Variants in TARBP1 observed in about 807,000 individuals in gnomAD.
TARBP1 encodes the protein tRNA (guanosine(18)-2'-O)-methyltransferase TARBP1.
TARBP1 carries 144 observed loss-of-function variants against 178.6 expected under a neutral mutation model. The observed-to-expected ratio is 0.81, with a 90% CI of 0.70 to 0.93. TARBP1 has a LOEUF of 0.93. Ranked by LOEUF, TARBP1 falls within the 40% of genes least tolerant of loss-of-function variation. TARBP1 has a pLI of 0.00. For missense variants in TARBP1, 2,067 were observed against 2,011.7 expected, an observed-to-expected ratio of 1.03 and a Z score of -0.53; for synonymous variants, 787 against 781.0, an observed-to-expected ratio of 1.01 and a Z score of -0.13.
At chr1:234,455,714 A>G (rs1314712498) in intron 9 of TARBP1, among the ~76,000 whole-genome samples, 1 of 152,210 alleles carries the variant, frequency 6.6e-6, no homozygotes, top group Non-Finnish European at 1.5e-5. Flanking sequence ...TCTTCAAATC[A>G]CGTAAATTCA....
chr1:234,397,950 C>T (rs558429583), intron 26 of TARBP1, among the ~76,000 whole-genome samples: 1 of 139,404 alleles, frequency 7.2e-6, no homozygotes, highest in Non-Finnish European at 1.6e-5. Context: ...CATGAAGCGG[C>T]GTCCAACCAA....
At position 234,444,588 on chromosome 1, in the gene TARBP1, A is replaced by G. The variant is rs1341205148; in HGVS notation, c.2134+2215T>C. 3.3e-5 allele frequency among the ~76,000 whole-genome samples: 5 copies of G among 152,212 alleles called. No homozygotes were observed. The East Asian group carries it at 9.7e-4, about 29-fold the overall frequency. Reference sequence around the variant, plus strand: ...TCAGCAAGCCCAGCAATCCTACAGCACTGCCTCAGAGCACTCACAAAGCCT... The same window carrying G: ...TCAGCAAGCCCAGCAATCCTACAGCGCTGCCTCAGAGCACTCACAAAGCCT... On this transcript the variant is annotated intron_variant, in intron 12 of 29. Transcript: ENST00000040877.
In TARBP1 at chr1:234,410,437, A is replaced by T. The variant is rs1661685130; in HGVS notation, c.3792+8T>A. On this transcript the variant is annotated splice_region_variant and intron_variant, in intron 23 of 29. Coordinates refer to ENST00000040877, the MANE Select transcript of TARBP1 (RefSeq NM_005646.4). ...CAGTCAAGTTTAAATTCTTACAAACAAACTTACCTTTTCTGGAATATTTTG... is the reference window on the plus strand; with the variant it reads ...CAGTCAAGTTTAAATTCTTACAAACTAACTTACCTTTTCTGGAATATTTTG... The T allele has an allele frequency of 7.0e-7, 1 of 1,437,286 alleles. No individual in the cohort carries two copies. 89.0% of individuals were successfully genotyped at this position (1,437,286 alleles called of 1,614,324 possible).
intron 13 of TARBP1, 123 bp from the exon 14 acceptor site, chr1:234,433,694 G>C: frequency 1.1e-6 from 1 of 937,848 alleles, no homozygotes; most frequent in Non-Finnish European, 1.6e-6. Context: ...GAGAAAATAA[G>C]TTCTTTTCTC....
intron 1 of TARBP1, among the ~76,000 whole-genome samples, chr1:234,475,866 A>G (rs1669524898): frequency 6.6e-6 from 1 of 152,252 alleles, no homozygotes; most frequent in South Asian, 2.1e-4. Flanking sequence ...AGTAGCCACA[A>G]AATCTGGGAA....
At chr1:234,402,819 C>T (rs140307592) in intron 24 of TARBP1, among the ~76,000 whole-genome samples, 158 of 152,200 alleles carry the variant, frequency 1.0e-3, no homozygotes, top group African/African-American at 3.5e-3. Context: ...CTCCTGGGCT[C>T]AAGCAATCCA....
intron 3 of TARBP1, among the ~76,000 whole-genome samples, chr1:234,469,195 T>C (rs983654727): frequency 8.6e-5 from 13 of 150,312 alleles, no homozygotes; most frequent in Non-Finnish European, 1.9e-4. Flanking sequence ...ATCAAAACCA[T>C]GGAATAAATA....
intron 6 of TARBP1, among the ~76,000 whole-genome samples, chr1:234,463,403 C>T (rs549321330): frequency 2.8e-4 from 42 of 152,176 alleles, no homozygotes; most frequent in Non-Finnish European, 4.7e-4. Flanking sequence ...GGATTCCAGG[C>T]GGGAGCCATT....
intron 14 of TARBP1, among the ~76,000 whole-genome samples, chr1:234,431,835 G>A (rs10797549): frequency 0.13 from 20,420 of 152,186 alleles, 1,511 homozygotes; most frequent in Middle Eastern, 0.26. Context: ...GCCTTATTGT[G>A]CCATGTTTAA....
At chr1:234,429,799 C>A in intron 15 of TARBP1, 122 bp from the exon 16 acceptor site, 1 of 1,128,056 alleles carries the variant, frequency 8.9e-7, no homozygotes, top group Non-Finnish European at 1.2e-6. Context: ...TATAAATGGT[C>A]ATTATCAAAC....
chr1:234,395,714 G>A lies in TARBP1; in HGVS notation c.4244-1877C>T, dbSNP rs531418059. ...GTTACACAGGCGGTGGTTTCAAGTT[G>A]GGGACATTAATAAATGTGTTCTGGG... On this transcript the variant is annotated intron_variant, in intron 26 of 29. Coordinates refer to ENST00000040877, the MANE Select transcript of TARBP1 (RefSeq NM_005646.4). Among the ~76,000 whole-genome samples, 5 of 152,250 alleles carry A rather than the reference G, an allele frequency of 3.3e-5. No homozygotes were observed. In the East Asian group the frequency reaches 9.6e-4, roughly 29 times the overall value.
intron 6 of TARBP1, among the ~76,000 whole-genome samples, chr1:234,462,596 G>A (rs1304770847): frequency 6.6e-6 from 1 of 150,808 alleles, no homozygotes; most frequent in African/African-American, 2.4e-5. Flanking sequence ...GGCTGAGGCA[G>A]GAGAATCACT....
At chr1:234,398,226 C>A in intron 26 of TARBP1, 156 bp downstream of exon 26, 1 of 500,364 alleles carries the variant, frequency 2.0e-6, no homozygotes, top group Non-Finnish European at 3.2e-6. Flanking sequence ...AAAGTTATAC[C>A]ACACTTTTTC....
rs79601993 is a variant in TARBP1, at chr1:234,467,291, T to C, written c.1248+211A>G. 4.6e-3 allele frequency among the ~76,000 whole-genome samples: 699 copies of C among 152,332 alleles called. 2 individuals carry two copies. The highest frequency in any genetic ancestry group is 0.016 in the African/African-American group (672 of 41,582). On this transcript the variant is annotated intron_variant, in intron 4 of 29. Transcript: ENST00000040877. ...CTGAATATCGATAATATACAACTACTTTTTCACAATGGTAATAATACAGGC... is the reference window on the plus strand; with the variant it reads ...CTGAATATCGATAATATACAACTACCTTTTCACAATGGTAATAATACAGGC...
Position 234,478,697 on chromosome 1 carries a change from C to A in TARBP1, c.407G>T (p.Gly136Val), listed in dbSNP as rs1571906705. 1 of 1,216,108 alleles carries A rather than the reference C, an allele frequency of 8.2e-7. No homozygotes were observed. The highest frequency in any genetic ancestry group is 1.0e-6 in the Non-Finnish European group (1 of 977,672). 75.3% of individuals were successfully genotyped at this position (1,216,108 alleles called of 1,614,324 possible). The change falls in exon 1 of 30, where the codon GGC becomes GTC. Residue 136 changes from glycine to valine, a missense_variant. Coordinates refer to ENST00000040877, the MANE Select transcript of TARBP1 (RefSeq NM_005646.4). Reference sequence around the variant, plus strand: ...TAGCACTTCCACGGCAGCCTCGGCGCCAGGCGCGCGCCACCCGGCGAGCAG... The same window carrying A: ...TAGCACTTCCACGGCAGCCTCGGCGACAGGCGCGCGCCACCCGGCGAGCAG... ...RDLLAGWRAP[G>V]AEAAVEVLAA...
chr1:234,402,968 G>A (rs767987644), intron 24 of TARBP1, among the ~76,000 whole-genome samples: 2 of 151,942 alleles, frequency 1.3e-5, no homozygotes, highest in Non-Finnish European at 2.9e-5. Context: ...CAGTACTTTA[G>A]GCCCTTGTTT....
intron 6 of TARBP1, among the ~76,000 whole-genome samples, chr1:234,461,693 G>T (rs1464501284): frequency 6.6e-6 from 1 of 152,194 alleles, no homozygotes; most frequent in African/African-American, 2.4e-5. Context: ...TTGATGGTTA[G>T]TGGCCTCTAG....
chr1:234,469,093 G>A (rs200621499), intron 3 of TARBP1, among the ~76,000 whole-genome samples: 25,980 of 97,964 alleles, frequency 0.27, 4,515 homozygotes, highest in East Asian at 0.81. Context: ...AAAAAAAAAG[G>A]CAAAAACCGC....
intron 26 of TARBP1, among the ~76,000 whole-genome samples, chr1:234,395,271 A>T (rs573233152): frequency 2.0e-5 from 3 of 152,208 alleles, no homozygotes; most frequent in Non-Finnish European, 4.4e-5. Flanking sequence ...AAACCATTAA[A>T]AAATTTTAAG....
Sources: gnomAD v4.1 joint callset for allele counts (sites outside exome capture counted in the v4.1 genomes callset) on GRCh38, gnomAD v4.1.1 for gene constraint, MANE v1.5 for transcripts, NCBI Gene and HGNC (gene_info 2026-07-23, HGNC 2026-07-21) for gene names.